NSUN4: variants seen among roughly 807,000 people sequenced by gnomAD.
NSUN4 encodes 5-cytosine rRNA methyltransferase NSUN4.
NSUN4 carries 31 observed loss-of-function variants against 43.8 expected under a neutral mutation model. That is an observed-to-expected ratio of 0.71 (90% CI 0.53 to 0.96). NSUN4 has a LOEUF of 0.96. NSUN4 is among the 40% of genes least tolerant of loss of function. The pLI, the probability that NSUN4 is intolerant of heterozygous loss-of-function variation, is 0.00. For synonymous variants in NSUN4, 167 were observed against 184.1 expected, an observed-to-expected ratio of 0.91 and a Z score of 0.75; for missense variants, 439 against 475.6, an observed-to-expected ratio of 0.92 and a Z score of 0.72.
At chr1:46,370,019 A>G (rs921247086), downstream of NSUN4, among the ~76,000 whole-genome samples, 5 of 152,196 alleles carry the variant, frequency 3.3e-5, no homozygotes, top group African/African-American at 7.2e-5. Context: ...TATCTCTCTG[A>G]GTAAATGGGA....
chr1:46,378,201 A>ATTTTT, the NSUN4 span, among the ~76,000 whole-genome samples: 1 of 137,642 alleles, frequency 7.3e-6, no homozygotes, highest in Non-Finnish European at 1.6e-5. Context: ...CATAGCAGAG[A>ATTTTT]TTTTTTTTTT....
chr1:46,357,284 A>G (rs1663451571), intron 4 of NSUN4, among the ~76,000 whole-genome samples: 1 of 152,044 alleles, frequency 6.6e-6, no homozygotes, highest in Non-Finnish European at 1.5e-5. Flanking sequence ...GGCTCAAGCA[A>G]TTCTCCCGCC....
In NSUN4 at chr1:46,352,849, A is replaced by G. The variant is rs778277092; in HGVS notation, c.593-19A>G. The G allele has an allele frequency of 6.2e-7, 1 of 1,612,840 alleles. No homozygotes were observed. On this transcript the variant is annotated intron_variant, in intron 3 of 5. Coordinates refer to ENST00000474844, the MANE Select transcript of NSUN4 (RefSeq NM_199044.4). ...TGTTTCATTGGGTCATGGCCTCTGA[A>G]GTATCTTTATTTCCATAGGCAATCT...
intron 5 of NSUN4, 92 bp from the exon 6 acceptor site, chr1:46,361,478 G>T: frequency 8.5e-7 from 1 of 1,179,916 alleles, no homozygotes. Context: ...TCCTGTAGTA[G>T]CCTTCCCTTA....
At chr1:46,341,271 C>T (rs1662081805) in intron 1 of NSUN4, 1 of 1,002,458 alleles carries the variant, frequency 1.0e-6, no homozygotes, top group Non-Finnish European at 1.2e-6. Context: ...TCCCCCTTTC[C>T]CTTGCCCATT....
intron 4 of NSUN4, among the ~76,000 whole-genome samples, chr1:46,354,794 C>G (rs1663250930): frequency 6.6e-6 from 1 of 152,138 alleles, no homozygotes; most frequent in Admixed American, 6.5e-5. Flanking sequence ...CTCAGCCTCC[C>G]AGGCAGCTGG....
At chr1:46,342,460 G>C in intron 1 of NSUN4, 1 of 399,118 alleles carries the variant, frequency 2.5e-6, no homozygotes, top group Non-Finnish European at 4.4e-6. Context: ...TATGCCATCT[G>C]CCTGTGCCCC....
intron 1 of NSUN4, chr1:46,341,665 C>G: frequency 1.6e-6 from 2 of 1,227,310 alleles, no homozygotes; most frequent in Non-Finnish European, 2.0e-6. Flanking sequence ...CAACCTTCCT[C>G]GCACTCAGGG....
chr1:46,342,736 C>T, intron 1 of NSUN4: 1 of 399,158 alleles, frequency 2.5e-6, no homozygotes, highest in Non-Finnish European at 4.4e-6. Context: ...CCTCTTCCCA[C>T]TCCAGTTTCC....
chr1:46,378,949 G>A, the NSUN4 span, among the ~76,000 whole-genome samples: 3 of 152,136 alleles, frequency 2.0e-5, no homozygotes, highest in South Asian at 6.2e-4. Flanking sequence ...CTTACAGCCT[G>A]GGCTAAGAAG....
At chr1:46,380,076 T>C in the NSUN4 span, among the ~76,000 whole-genome samples, 21 of 152,010 alleles carry the variant, frequency 1.4e-4, no homozygotes, top group Admixed American at 1.4e-3. Flanking sequence ...AGAAAGGAAA[T>C]GAAGAAGCAG....
At chr1:46,341,615 G>A (rs1291507121) in intron 1 of NSUN4, 5 of 1,199,238 alleles carry the variant, frequency 4.2e-6, no homozygotes, top group Non-Finnish European at 4.1e-6. Flanking sequence ...GCCCACCCCA[G>A]CCGATTCCCT....
At position 46,364,002 on chromosome 1, in the gene NSUN4, G is replaced by A. The variant is rs553264866; in HGVS notation, c.*2156G>A. 6.6e-6 allele frequency: 1 copy of A among 151,908 alleles called. No individual in the cohort carries two copies. Among genetic ancestry groups the A allele is most frequent in the Non-Finnish European group, 1.5e-5 (1 of 68,020 alleles). The allele number at this position is 151,908 out of a possible 1,614,324, so 9.4% of individuals were successfully genotyped here. ...TATATAATAGTATAGTCACCATCAA[G>A]ATGTAGAAAATAGAAAATAGGCTAG... On this transcript the variant is annotated 3_prime_UTR_variant, in exon 6 of 6. Transcript: ENST00000474844.
chr1:46,372,469 C>T, the NSUN4 span, among the ~76,000 whole-genome samples: 8 of 152,084 alleles, frequency 5.3e-5, no homozygotes, highest in African/African-American at 1.7e-4. Flanking sequence ...CATGGCCAGG[C>T]TGAGTCTTCC....
Position 46,352,935 on chromosome 1 carries a change from T to C in NSUN4, c.660T>C (p.Tyr220=), listed in dbSNP as rs200766725. ...GACTACAGAAGATCCTTCACAGCTA[T>C]GTGCCTGAAGAGATCAGGGATGGAA... ...IARLQKILHS[Y]VPEEIRDGNQ... Residue 220 remains tyrosine (Y), a synonymous_variant, in exon 4 of 6, where the codon TAT becomes TAC. Transcript: ENST00000474844. 14 of 1,613,990 alleles carry C rather than the reference T, an allele frequency of 8.7e-6. No individual in the cohort carries two copies. The highest frequency in any genetic ancestry group is 1.2e-5 in the Non-Finnish European group (14 of 1,179,828).
At chr1:46,345,202 TGA>T in intron 2 of NSUN4, 58 bp downstream of exon 2, 2 of 1,293,448 alleles carry the variant, frequency 1.5e-6, no homozygotes, top group Non-Finnish European at 2.2e-6. Flanking sequence ...GTAGACATGT[TGA>T]GACCCAGCTT....
chr1:46,344,440 G>T (rs66516678), intron 1 of NSUN4: 52,203 of 233,240 alleles, frequency 0.22, 6,779 homozygotes, highest in Non-Finnish European at 0.28. Context: ...AGGGCCTTTT[G>T]CTTTTAAGTT....
chr1:46,347,436 TCA>T (rs1003694377), intron 3 of NSUN4, among the ~76,000 whole-genome samples: 6 of 152,088 alleles, frequency 3.9e-5, no homozygotes, highest in Admixed American at 1.3e-4. Flanking sequence ...AAACCCTGTC[TCA>T]CACACACACA....
At chr1:46,347,362 C>T (rs571442861) in intron 3 of NSUN4, among the ~76,000 whole-genome samples, 8 of 152,146 alleles carry the variant, frequency 5.3e-5, no homozygotes, top group South Asian at 2.1e-4. Flanking sequence ...TGCTTGAACC[C>T]GGGAAGTGGA....
Sources: gnomAD v4.1 joint callset for allele counts (sites outside exome capture counted in the v4.1 genomes callset) on GRCh38, gnomAD v4.1.1 for gene constraint, MANE v1.5 for transcripts, NCBI Gene and HGNC (gene_info 2026-07-23, HGNC 2026-07-21) for gene names.